The following ADAMTS2 variants were observed in gnomAD, a reference collection of about 807,000 sequenced individuals.
The protein encoded by ADAMTS2 is ADAM metallopeptidase with thrombospondin type 1 motif 2.
Under a neutral mutation model 123.0 loss-of-function variants are expected in ADAMTS2, and 50 were observed. The observed-to-expected ratio is 0.41, with a 90% CI of 0.32 to 0.51. The LOEUF (loss-of-function observed/expected upper bound fraction) is 0.51, where lower values mean the gene tolerates loss of function less well. ADAMTS2 is among the 20% of genes least tolerant of loss of function. ADAMTS2 has a pLI of 0.35. For missense variants in ADAMTS2, 1,494 were observed against 1,705.2 expected (o/e 0.88, Z 2.18); for synonymous variants, 678 against 695.4 (o/e 0.98, Z 0.39).
At chr5:179,246,441 C>T (rs912185767) in intron 3 of ADAMTS2, among the ~76,000 whole-genome samples, 6 of 152,062 alleles carry the variant, frequency 3.9e-5, no homozygotes, top group East Asian at 3.9e-4. Flanking sequence ...TGGGGCAAGA[C>T]GCACAATAAA....
In ADAMTS2 at chr5:179,189,635, G is replaced by A. The variant is rs372187944; in HGVS notation, c.892-8480C>T. 6.6e-6 allele frequency among the ~76,000 whole-genome samples: 1 copy of A among 150,744 alleles called. No homozygotes were observed. On this transcript the variant is annotated intron_variant, in intron 4 of 21. Transcript: ENST00000251582. This position sits in a 1 kb window ranked among gnomAD's most constrained non-coding sequence, Gnocchi z 4.2. ...GCCTCCCAAAGTGCTGGGATTACAGGCGTGAGCCACCGCGCCCGGCCAGGA... is the reference window on the plus strand; with the variant it reads ...GCCTCCCAAAGTGCTGGGATTACAGACGTGAGCCACCGCGCCCGGCCAGGA...
intron 3 of ADAMTS2, among the ~76,000 whole-genome samples, chr5:179,221,447 A>G (rs1186752871): frequency 1.3e-5 from 2 of 151,646 alleles, no homozygotes; most frequent in Non-Finnish European, 2.9e-5. Context: ...GGGCACAAAG[A>G]CCCCCCACTT....
intron 2 of ADAMTS2, among the ~76,000 whole-genome samples, chr5:179,326,133 C>A (rs1371592690): frequency 6.6e-6 from 1 of 152,170 alleles, no homozygotes. Flanking sequence ...GACTGGAAAT[C>A]TTTTCCGCAT....
chr5:179,213,749 C>T (rs1463870540), intron 3 of ADAMTS2, among the ~76,000 whole-genome samples: 3 of 152,188 alleles, frequency 2.0e-5, no homozygotes, highest in African/African-American at 7.2e-5. Flanking sequence ...GGCAAAGAAA[C>T]GTACCATGTA....
Position 179,197,756 on chromosome 5 carries a change from G to T in ADAMTS2, c.891+9757C>A, listed in dbSNP as rs1264252570. 1.3e-5 allele frequency among the ~76,000 whole-genome samples: 2 copies of T among 152,166 alleles called. No individual in the cohort carries two copies. Among genetic ancestry groups the T allele is most frequent in the South Asian group, 2.1e-4 (1 of 4,828 alleles). Reference sequence around the variant, plus strand: ...AACATATTACTTCCACAACGGCTCTGATCTTCCAAGGCATTCATCCCTGCC... The same window carrying T: ...AACATATTACTTCCACAACGGCTCTTATCTTCCAAGGCATTCATCCCTGCC... On this transcript the variant is annotated intron_variant, in intron 4 of 21. Coordinates refer to ENST00000251582, the MANE Select transcript of ADAMTS2 (RefSeq NM_014244.5). The surrounding 1 kb of genome is among the most constrained non-coding windows in gnomAD (Gnocchi z 4.2).
intron 5 of ADAMTS2, among the ~76,000 whole-genome samples, chr5:179,164,203 C>T (rs6859690): frequency 0.027 from 4,127 of 152,278 alleles, 186 homozygotes; most frequent in East Asian, 0.15. Context: ...CTATCTCTGA[C>T]GGGCACAGAG....
chr5:179,323,107 T>A (rs999823075), intron 2 of ADAMTS2, among the ~76,000 whole-genome samples: 12 of 152,326 alleles, frequency 7.9e-5, no homozygotes, highest in African/African-American at 2.6e-4. Context: ...TGGCAGGGGC[T>A]GCACAGGAAG....
chr5:179,281,003 A>G (rs577031704), intron 2 of ADAMTS2, among the ~76,000 whole-genome samples: 46 of 152,258 alleles, frequency 3.0e-4, no homozygotes, highest in Admixed American at 2.3e-3. Flanking sequence ...GATTACTGGT[A>G]CACACCACCA....
chr5:179,154,822 A>G lies in ADAMTS2; in HGVS notation c.1230T>C (p.Thr410=). The change falls in exon 7 of 22, where the codon ACT becomes ACC. Residue 410 remains threonine, a synonymous_variant. Coordinates refer to ENST00000251582, the MANE Select transcript of ADAMTS2 (RefSeq NM_014244.5). ...FSSAFVVAHE[T]GHVLGMEHDG... is the part of the protein sequence containing the mutation. Reference sequence around the variant, plus strand: ...TTCCCCAGGCCACTTACACGTGGCCAGTCTCATGGGCCACCACAAACGCTG... The same window carrying G: ...TTCCCCAGGCCACTTACACGTGGCCGGTCTCATGGGCCACCACAAACGCTG... The G allele has an allele frequency of 6.2e-7, 1 of 1,611,188 alleles. No homozygotes were observed. Among genetic ancestry groups the G allele is most frequent in the African/African-American group, 1.3e-5 (1 of 75,034 alleles).
rs780736512 is a variant in ADAMTS2 at position 179,207,107 on chromosome 5, T to TGTC, written c.891+403_891+405dup. On this transcript the variant is annotated intron_variant, in intron 4 of 21. Transcript: ENST00000251582. ...GCTGGGGCTGAATAACGTCACTTTATGTCTTACTATTATATTAGCTTTTCA... is the reference window on the plus strand; with the variant it reads ...GCTGGGGCTGAATAACGTCACTTTATGTCGTCTTACTATTATATTAGCTTTTCA... 2.3e-4 allele frequency among the ~76,000 whole-genome samples: 35 copies of TGTC among 152,356 alleles called. No individual in the cohort carries two copies. In the East Asian group the frequency reaches 4.0e-3, roughly 18 times the overall value.
chr5:179,121,240 G>A (rs931629102), intron 21 of ADAMTS2: 7 of 154,792 alleles, frequency 4.5e-5, no homozygotes, highest in African/African-American at 1.7e-4. Flanking sequence ...CTCAGCAAAG[G>A]GTCGGCGGCA....
In ADAMTS2 at chr5:179,128,394, G is replaced by A. The variant is rs1190128641; in HGVS notation, c.2458-276C>T. Among the ~76,000 whole-genome samples the A allele has an allele frequency of 6.6e-6, 1 of 151,294 alleles. No homozygotes were observed. Among genetic ancestry groups the A allele is most frequent in the African/African-American group, 2.4e-5 (1 of 41,290 alleles). Reference sequence around the variant, plus strand: ...TGTGAGTCTGTTTATTTTTTTGTTTGTTTTTGTTTGTTTTTGAGATGGAGT... The same window carrying A: ...TGTGAGTCTGTTTATTTTTTTGTTTATTTTTGTTTGTTTTTGAGATGGAGT... On this transcript the variant is annotated intron_variant, in intron 16 of 21. Coordinates refer to ENST00000251582, the MANE Select transcript of ADAMTS2 (RefSeq NM_014244.5). This position sits in a 1 kb window ranked among gnomAD's most constrained non-coding sequence, Gnocchi z 4.9.
rs1454581559 is a variant in ADAMTS2 at position 179,175,826 on chromosome 5, TTTTG to T, written c.975+5242_975+5245del. On this transcript the variant is annotated intron_variant, in intron 5 of 21. Coordinates refer to ENST00000251582, the MANE Select transcript of ADAMTS2 (RefSeq NM_014244.5). This position sits in a 1 kb window ranked among gnomAD's most constrained non-coding sequence, Gnocchi z 4.1. ...CCACAGTAACTAGTTTATGGGTCTT[TTTTG>T]TTTGTTTGTTTCCAAGACTATCTCC... 6.6e-6 allele frequency among the ~76,000 whole-genome samples: 1 copy of T among 152,156 alleles called. No homozygotes were observed. Among genetic ancestry groups the T allele is most frequent in the Non-Finnish European group, 1.5e-5 (1 of 68,018 alleles).
At chr5:179,282,931 A>G (rs1044519023) in intron 2 of ADAMTS2, among the ~76,000 whole-genome samples, 2 of 152,136 alleles carry the variant, frequency 1.3e-5, no homozygotes, top group African/African-American at 2.4e-5. Flanking sequence ...CCCTAAGTCT[A>G]TCAACTAACC....
chr5:179,138,023 TA>T, intron 11 of ADAMTS2, 79 bp from the exon 12 acceptor site: 1 of 1,473,714 alleles, frequency 6.8e-7, no homozygotes, highest in Non-Finnish European at 9.2e-7. Context: ...GAGATCTTTT[TA>T]GGGGGGATCC....
intron 3 of ADAMTS2, among the ~76,000 whole-genome samples, chr5:179,231,421 A>G (rs889497367): frequency 6.6e-6 from 1 of 152,202 alleles, no homozygotes; most frequent in Non-Finnish European, 1.5e-5. Flanking sequence ...GCAAACAACA[A>G]CAGCAACAGA....
At chr5:179,344,338 C>T (rs1177455127) in intron 1 of ADAMTS2, among the ~76,000 whole-genome samples, 177 bp from the exon 2 acceptor site, 1 of 152,226 alleles carries the variant, frequency 6.6e-6, no homozygotes, top group African/African-American at 2.4e-5. Context: ...CGGGAAGGGG[C>T]GTTAACAGGG....
At chr5:179,119,461 C>G (rs575463019) in intron 21 of ADAMTS2, among the ~76,000 whole-genome samples, 1 of 152,344 alleles carries the variant, frequency 6.6e-6, no homozygotes, top group African/African-American at 2.4e-5. Flanking sequence ...CTTCCATGGG[C>G]AGGACACAGC....
chr5:179,246,607 A>G (rs59424770), intron 3 of ADAMTS2, among the ~76,000 whole-genome samples: 3,678 of 152,296 alleles, frequency 0.024, 136 homozygotes, highest in African/African-American at 0.082. Flanking sequence ...AGAAGACTCA[A>G]AAGTTTTCAC....
Sources: allele counts gnomAD v4.1 joint callset (sites outside exome capture counted in the v4.1 genomes callset), GRCh38; gene constraint gnomAD v4.1.1; non-coding constraint Gnocchi (gnomAD v3.1); transcripts MANE v1.5; gene names NCBI Gene and HGNC (gene_info 2026-07-23, HGNC 2026-07-21).